PRAG1: variants seen among roughly 807,000 people sequenced by gnomAD.
PRAG1 encodes the protein PEAK1 related, kinase-activating pseudokinase 1, also known as inactive tyrosine-protein kinase PRAG1.
A neutral mutation model predicts 95.6 loss-of-function variants in PRAG1; 110 were observed. The observed-to-expected ratio is 1.15, with a 90% confidence interval of 0.99 to 1.35. PRAG1 has a LOEUF of 1.35. Among genes scored for constraint, PRAG1 ranks in the 40% most tolerant of loss-of-function variants. PRAG1 has a pLI of 0.00. For missense variants in PRAG1, 2,554 were observed against 1,864.7 expected (o/e 1.37, Z -6.81); for synonymous variants, 1,052 against 819.4 (o/e 1.28, Z -4.85).
rs190019158 is a variant in PRAG1 at position 8,328,967 on chromosome 8, G to C, written c.2321-506C>G. ...TATCATAATTTAACCATCCCTTTTT[G>C]ATGGACACTTAAATTGTTTCCAATA... On this transcript the variant is annotated intron_variant, in intron 4 of 5. Coordinates refer to ENST00000615670, the MANE Select transcript of PRAG1 (RefSeq NM_001080826.3). Among the ~76,000 whole-genome samples, 22 of 152,166 alleles carry C rather than the reference G, an allele frequency of 1.4e-4. No homozygotes were observed. The East Asian group carries it at 3.5e-3, about 24-fold the overall frequency.
At chr8:8,371,268 CT>C (rs371226584) in intron 3 of PRAG1, among the ~76,000 whole-genome samples, 85 of 148,092 alleles carry the variant, frequency 5.7e-4, no homozygotes, top group South Asian at 1.1e-3. Flanking sequence ...CGAAAACTTT[CT>C]TTTTTTTTTG....
intron 3 of PRAG1, among the ~76,000 whole-genome samples, chr8:8,370,336 C>G (rs1800150282): frequency 6.6e-6 from 1 of 152,190 alleles, no homozygotes; most frequent in Admixed American, 6.5e-5. Context: ...ATGCTTTGTT[C>G]TGTTTGCCAA....
chr8:8,384,267 G>C (rs1800776478), intron 1 of PRAG1, among the ~76,000 whole-genome samples: 1 of 152,026 alleles, frequency 6.6e-6, no homozygotes, highest in Non-Finnish European at 1.5e-5. Context: ...TGGTATCAGA[G>C]GCCCTACTTT....
chr8:8,331,128 C>A (rs1339591547), intron 4 of PRAG1, among the ~76,000 whole-genome samples: 1 of 152,202 alleles, frequency 6.6e-6, no homozygotes, highest in African/African-American at 2.4e-5. Flanking sequence ...TTCATCAGTG[C>A]CCTCAGAGAC....
At chr8:8,352,396 C>G (rs1435051979) in intron 3 of PRAG1, among the ~76,000 whole-genome samples, 1 of 152,234 alleles carries the variant, frequency 6.6e-6, no homozygotes, top group Admixed American at 6.5e-5. Flanking sequence ...CAGTGCTTCT[C>G]CAGGAAAAAG....
intron 3 of PRAG1, among the ~76,000 whole-genome samples, chr8:8,342,730 A>G (rs1799213435): frequency 6.6e-6 from 1 of 152,208 alleles, no homozygotes; most frequent in African/African-American, 2.4e-5. Context: ...AAAAAAAGAA[A>G]GTAGAGCCAT....
rs1249474973 is a variant in PRAG1 at position 8,377,939 on chromosome 8, G to A, written c.470C>T (p.Pro157Leu). Residue 157 changes from proline (P) to leucine (L), a missense_variant, in exon 3 of 6, where the codon CCA becomes CTA. Physicochemically the swap from Pro to Leu is moderately conservative, Grantham distance 98 (BLOSUM62 -3). Coordinates refer to ENST00000615670, the MANE Select transcript of PRAG1 (RefSeq NM_001080826.3). ...TSPDGNSRCP[P>L]AYTMVGLHNL... is the part of the protein sequence containing the mutation. ...GTGCAGGCCGACCATGGTGTAAGCT[G>A]GGGGACAGCGAGAATTGCCATCAGG... The A allele has an allele frequency of 2.5e-6, 4 of 1,614,008 alleles. No homozygotes were observed. Among genetic ancestry groups the A allele is most frequent in the Non-Finnish European group, 2.5e-6 (3 of 1,179,996 alleles).
chr8:8,335,869 A>C (rs972975732), intron 4 of PRAG1, among the ~76,000 whole-genome samples: 1 of 152,198 alleles, frequency 6.6e-6, no homozygotes, highest in African/African-American at 2.4e-5. Flanking sequence ...AAACTTCAGC[A>C]TCTAGAATTG....
intron 3 of PRAG1, among the ~76,000 whole-genome samples, chr8:8,358,897 G>A (rs1254268209): frequency 6.6e-6 from 1 of 152,222 alleles, no homozygotes; most frequent in East Asian, 1.9e-4. Context: ...AGAGGAAGTT[G>A]CTTACATAAA....
At chr8:8,361,549 A>G (rs1799848667) in intron 3 of PRAG1, among the ~76,000 whole-genome samples, 1 of 152,202 alleles carries the variant, frequency 6.6e-6, no homozygotes, top group Non-Finnish European at 1.5e-5. Flanking sequence ...GTCCCCCTTC[A>G]CCTGTTTTCA....
chr8:8,325,043 G>C (rs1024405501), intron 5 of PRAG1, among the ~76,000 whole-genome samples: 1 of 152,168 alleles, frequency 6.6e-6, no homozygotes, highest in South Asian at 2.1e-4. Context: ...TCTGCCTTCA[G>C]TGCCGGCTCC....
intron 4 of PRAG1, among the ~76,000 whole-genome samples, chr8:8,335,035 C>T (rs892761486): frequency 1.3e-5 from 2 of 151,824 alleles, no homozygotes; most frequent in African/African-American, 4.8e-5. Context: ...TGTGCCACTC[C>T]AGCCTGGGCA....
intron 3 of PRAG1, among the ~76,000 whole-genome samples, chr8:8,373,300 C>G (rs74778126): frequency 0.014 from 2,182 of 152,258 alleles, 55 homozygotes; most frequent in African/African-American, 0.049. Context: ...CAGGCCTGCC[C>G]TCTTATCTTC....
At chr8:8,383,520 G>A (rs1800752697) in intron 1 of PRAG1, among the ~76,000 whole-genome samples, 1 of 152,132 alleles carries the variant, frequency 6.6e-6, no homozygotes, top group Non-Finnish European at 1.5e-5. Flanking sequence ...GGTCAAGGCT[G>A]CAGTGAGCCA....
intron 3 of PRAG1, chr8:8,374,580 AGTT>A: frequency 1.2e-6 from 1 of 859,264 alleles, no homozygotes; most frequent in South Asian, 5.4e-5. Context: ...GGATGAAATG[AGTT>A]GTTATGTCTA....
intron 5 of PRAG1, among the ~76,000 whole-genome samples, chr8:8,320,442 G>C (rs1240604459): frequency 6.6e-6 from 1 of 152,104 alleles, no homozygotes. Context: ...AGCCACCTGG[G>C]GATCTCTAGC....
chr8:8,346,548 T>A (rs935674564), intron 3 of PRAG1, among the ~76,000 whole-genome samples: 1 of 152,164 alleles, frequency 6.6e-6, no homozygotes, highest in Non-Finnish European at 1.5e-5. Flanking sequence ...GTGGTCTCCA[T>A]ACTATGTTGG....
intron 1 of PRAG1, among the ~76,000 whole-genome samples, chr8:8,385,374 G>A (rs1414035128): frequency 6.6e-6 from 1 of 152,136 alleles, no homozygotes; most frequent in East Asian, 1.9e-4. Context: ...AGTGCTGGAG[G>A]AAAGAAAATC....
At chr8:8,380,524 T>G (rs1276383992) in intron 2 of PRAG1, among the ~76,000 whole-genome samples, 1 of 151,556 alleles carries the variant, frequency 6.6e-6, no homozygotes, top group Non-Finnish European at 1.5e-5. Context: ...GCTTGAACCC[T>G]GGAGGCAGAA....
Sources: allele counts gnomAD v4.1 joint callset (sites outside exome capture counted in the v4.1 genomes callset), GRCh38; gene constraint gnomAD v4.1.1; transcripts MANE v1.5; gene names NCBI Gene and HGNC (gene_info 2026-07-23, HGNC 2026-07-21).